TAFA1: variants seen among roughly 807,000 people sequenced by gnomAD.
The protein encoded by TAFA1 is TAFA chemokine like family member 1.
Under a neutral mutation model 18.5 loss-of-function variants are expected in TAFA1, and 4 were observed. The observed-to-expected ratio is 0.22, with a 90% CI of 0.11 to 0.49. TAFA1 has a LOEUF of 0.49. TAFA1 is among the 20% of genes least tolerant of loss of function. The pLI is 0.98. For missense variants in TAFA1, 147 were observed against 169.0 expected (o/e 0.87, Z 0.72); for synonymous variants, 56 against 55.2 (o/e 1.01, Z -0.06).
At chr3:68,212,087 G>A (rs1459669552) in intron 2 of TAFA1, among the ~76,000 whole-genome samples, 1 of 151,982 alleles carries the variant, frequency 6.6e-6, no homozygotes, top group South Asian at 2.1e-4. Context: ...CTAGGATAGG[G>A]TAGCCACAGT....
rs1559637762 is a variant in TAFA1, at chr3:68,370,471, T to TATATATATATATATATATATAC, written c.119-46809_119-46808insATATATATATATATATATATAC. On this transcript the variant is annotated intron_variant, in intron 2 of 4. Transcript: ENST00000478136. ...GTATATATATGTGTGTGTGTGTGTG[T>TATATATATATATATATATATAC]GTATATATATATATATATATATATA... Among the ~76,000 whole-genome samples the TATATATATATATATATATATAC allele has an allele frequency of 2.2e-3, 59 of 26,978 alleles. 1 individual carries two copies. Among genetic ancestry groups the TATATATATATATATATATATAC allele is most frequent in the South Asian group, 5.7e-3 (3 of 522 alleles). The allele number at this position is 26,978 out of a possible 152,430, so 17.7% of individuals were successfully genotyped here.
At chr3:68,348,242 A>G (rs529916040) in intron 2 of TAFA1, among the ~76,000 whole-genome samples, 1 of 152,248 alleles carries the variant, frequency 6.6e-6, no homozygotes, top group South Asian at 2.1e-4. Flanking sequence ...AAATTAAATA[A>G]CATAATGTAT....
intron 2 of TAFA1, among the ~76,000 whole-genome samples, chr3:68,416,788 C>T (rs1437323125): frequency 6.6e-6 from 1 of 152,146 alleles, no homozygotes; most frequent in African/African-American, 2.4e-5. Context: ...GGAAATATGT[C>T]CCGAATAGAT....
At chr3:68,443,829 C>T (rs2071428807) in intron 3 of TAFA1, among the ~76,000 whole-genome samples, 1 of 152,128 alleles carries the variant, frequency 6.6e-6, no homozygotes, top group African/African-American at 2.4e-5. Flanking sequence ...CATATTCTGA[C>T]CTTCCTATAA....
At chr3:68,509,687 A>G (rs1256244858) in intron 3 of TAFA1, among the ~76,000 whole-genome samples, 2 of 152,118 alleles carry the variant, frequency 1.3e-5, no homozygotes, top group African/African-American at 4.8e-5. Flanking sequence ...ATTACCAGCC[A>G]TTACCAGCTA....
chr3:68,403,526 A>G (rs1039646682), intron 2 of TAFA1, among the ~76,000 whole-genome samples: 2 of 152,246 alleles, frequency 1.3e-5, no homozygotes, highest in Non-Finnish European at 2.9e-5. Flanking sequence ...ATGATCCACA[A>G]GCTAAAAATG....
chr3:68,375,216 AAG>A (rs2069786018), intron 2 of TAFA1, among the ~76,000 whole-genome samples: 1 of 152,160 alleles, frequency 6.6e-6, no homozygotes, highest in Non-Finnish European at 1.5e-5. Flanking sequence ...CATCAAAGGC[AAG>A]AGCTTGCTTT....
intron 2 of TAFA1, among the ~76,000 whole-genome samples, chr3:68,294,813 G>A (rs1475702878): frequency 6.6e-6 from 1 of 152,122 alleles, no homozygotes; most frequent in East Asian, 1.9e-4. Context: ...GGAGGTTGAG[G>A]CTGCAGTGAG....
At chr3:68,272,488 T>TTGAGTATAATG (rs1559592771) in intron 2 of TAFA1, among the ~76,000 whole-genome samples, 1 of 152,138 alleles carries the variant, frequency 6.6e-6, no homozygotes, top group African/African-American at 2.4e-5. Context: ...GATGAATATA[T>TTGAGTATAATG]GGTTATTGAG....
chr3:68,467,118 T>G (rs950799203), intron 3 of TAFA1, among the ~76,000 whole-genome samples: 1 of 152,196 alleles, frequency 6.6e-6, no homozygotes, highest in Non-Finnish European at 1.5e-5. Flanking sequence ...AGCTAGACTT[T>G]TAAGGTTATC....
At chr3:68,461,780 A>C (rs982375727) in intron 3 of TAFA1, among the ~76,000 whole-genome samples, 4 of 151,898 alleles carry the variant, frequency 2.6e-5, no homozygotes, top group Admixed American at 2.0e-4. Context: ...AAGACCATAG[A>C]CATGTCCATC....
chr3:68,294,880 T>C (rs2086387520), intron 2 of TAFA1, among the ~76,000 whole-genome samples: 1 of 151,916 alleles, frequency 6.6e-6, no homozygotes, highest in Admixed American at 6.6e-5. Flanking sequence ...GTGTCTCAAT[T>C]AAAAAAAGAA....
intron 2 of TAFA1, among the ~76,000 whole-genome samples, chr3:68,392,570 A>G (rs2070284528): frequency 2.0e-5 from 3 of 152,252 alleles, no homozygotes; most frequent in South Asian, 4.1e-4. Context: ...TCTTCTCAGC[A>G]CCGTATCGCA....
chr3:68,251,980 C>T (rs1489528332), intron 2 of TAFA1, among the ~76,000 whole-genome samples: 1 of 152,210 alleles, frequency 6.6e-6, no homozygotes, highest in African/African-American at 2.4e-5. Context: ...GTTCCCAAGG[C>T]TCAGTCATTT....
intron 2 of TAFA1, among the ~76,000 whole-genome samples, chr3:68,414,329 CAAAT>C (rs2070772391): frequency 6.6e-6 from 1 of 151,988 alleles, no homozygotes; most frequent in Non-Finnish European, 1.5e-5. Context: ...ACAAACAAAA[CAAAT>C]AAGGTCAGAG....
chr3:68,364,365 T>C (rs2069527754), intron 2 of TAFA1, among the ~76,000 whole-genome samples: 1 of 152,182 alleles, frequency 6.6e-6, no homozygotes, highest in South Asian at 2.1e-4. Flanking sequence ...CTACGATTAA[T>C]GGCAGTTATT....
intron 2 of TAFA1, among the ~76,000 whole-genome samples, chr3:68,396,612 T>C (rs1191288715): frequency 6.6e-6 from 1 of 152,190 alleles, no homozygotes; most frequent in Non-Finnish European, 1.5e-5. Flanking sequence ...AGTTTTGCTA[T>C]TGATAAACAT....
intron 2 of TAFA1, among the ~76,000 whole-genome samples, chr3:68,082,170 G>C (rs140820715): frequency 7.0e-6 from 1 of 143,452 alleles, no homozygotes; most frequent in East Asian, 1.9e-4. Flanking sequence ...CCCTGCTTCG[G>C]CTCGCGCATG....
intron 2 of TAFA1, among the ~76,000 whole-genome samples, chr3:68,226,912 C>CAATGAGCGCCACCAGGAAGCTGACT (rs1259939118): frequency 6.6e-6 from 1 of 152,142 alleles, no homozygotes; most frequent in Non-Finnish European, 1.5e-5. Context: ...TAGCAACCAG[C>CAATGAGCGCCACCAGGAAGCTGACT]AATGAGCGCC....
Sources: gnomAD v4.1 joint callset for allele counts (sites outside exome capture counted in the v4.1 genomes callset) on GRCh38, gnomAD v4.1.1 for gene constraint, MANE v1.5 for transcripts, NCBI Gene and HGNC (gene_info 2026-07-23, HGNC 2026-07-21) for gene names.